Variants in CAMK2B observed in about 807,000 individuals in gnomAD.
The protein encoded by CAMK2B is calcium/calmodulin-dependent protein kinase type II subunit beta.
CAMK2B carries 27 observed loss-of-function variants against 93.7 expected under a neutral mutation model. The observed-to-expected ratio is 0.29, with a 90% CI of 0.21 to 0.40. The LOEUF is 0.40. CAMK2B is among the 10% of genes least tolerant of loss of function. The pLI, the probability that CAMK2B is intolerant of heterozygous loss-of-function variation, is 1.00. For synonymous variants in CAMK2B, 374 were observed against 358.8 expected, an observed-to-expected ratio of 1.04 and a Z score of -0.48; for missense variants, 568 against 895.8, an observed-to-expected ratio of 0.63 and a Z score of 4.67.
chr7:44,281,627 CT>C (rs1563004902), intron 2 of CAMK2B, among the ~76,000 whole-genome samples: 1 of 152,204 alleles, frequency 6.6e-6, no homozygotes, highest in African/African-American at 2.4e-5. Context: ...CCGGCGACAT[CT>C]GCCCCCCAGC....
At chr7:44,317,306 T>G (rs1414825653) in intron 1 of CAMK2B, among the ~76,000 whole-genome samples, 1 of 150,320 alleles carries the variant, frequency 6.7e-6, no homozygotes, top group East Asian at 1.9e-4. Flanking sequence ...TGTCCAATAC[T>G]GTGGTCACTG....
intron 12 of CAMK2B, 44 bp downstream of exon 12, chr7:44,240,663 C>T (rs1309873614): frequency 1.2e-6 from 2 of 1,608,908 alleles, no homozygotes; most frequent in South Asian, 2.2e-5. Flanking sequence ...CGTGGGCCAG[C>T]AGGGAGGGGG....
At position 44,243,326 on chromosome 7, in the gene CAMK2B, A is replaced by G; in HGVS notation, c.525T>C (p.Ala175=). 6.2e-7 allele frequency: 1 copy of G among 1,613,972 alleles called. No homozygotes were observed. The highest frequency in any genetic ancestry group is 8.5e-7 in the Non-Finnish European group (1 of 1,179,934). Residue 175 remains alanine, a synonymous_variant, in exon 8 of 24, where the codon GCT becomes GCC. Coordinates refer to ENST00000395749, the MANE Select transcript of CAMK2B (RefSeq NM_001220.5). ...CAGGGGACAGGTAGCCTGGTGTGCC[A>G]GCGAAACCTAGAGAGAGGGGAAGAG... ...QGDQQAWFGF[A]GTPGYLSPEV...
rs532784500 is a variant in CAMK2B at position 44,238,970 on chromosome 7, C to A, written c.1021+619G>T. ...GCCCAGAGGAGCAGGTGGCCAGTGC[C>A]GGCCTTTTCCCTCACAGGGTTTGAG... On this transcript the variant is annotated intron_variant, in intron 13 of 23. Transcript: ENST00000395749. 1.3e-4 allele frequency among the ~76,000 whole-genome samples: 20 copies of A among 152,324 alleles called. No individual in the cohort carries two copies. The South Asian group carries it at 3.1e-3, about 24-fold the overall frequency.
chr7:44,243,596 G>C, intron 6 of CAMK2B, 69 bp from the exon 7 acceptor site: 1 of 1,287,566 alleles, frequency 7.8e-7, no homozygotes. Context: ...GGGTTGGGTG[G>C]GGGGTTACAA....
chr7:44,241,620 C>G, intron 11 of CAMK2B, 80 bp downstream of exon 11: 3 of 1,112,214 alleles, frequency 2.7e-6, no homozygotes, highest in Non-Finnish European at 4.1e-6. Context: ...TCTGCCCAGA[C>G]CCCCCAAGGC....
At position 44,229,073 on chromosome 7, in the gene CAMK2B, G is replaced by A. The variant is rs994603233; in HGVS notation, c.1340-149C>T. On this transcript the variant is annotated intron_variant, in intron 18 of 23. Coordinates refer to ENST00000395749, the MANE Select transcript of CAMK2B (RefSeq NM_001220.5). The stretch of plus-strand genomic sequence containing the variant: ...GAATCAGAGCCTGCCTCAATAGCAG[G>A]GAGCCCCCCCGCCCGCAAGCTGAGG... 6.3e-6 allele frequency: 5 copies of A among 788,914 alleles called. No individual in the cohort carries two copies. In the East Asian group the frequency reaches 1.1e-4, roughly 17 times the overall value. The allele number at this position is 788,914 out of a possible 1,614,324, so 48.9% of individuals were successfully genotyped here. A position where few individuals can be genotyped will look rare whatever the true frequency, so the allele number is the denominator to read the frequency against.
intron 6 of CAMK2B, among the ~76,000 whole-genome samples, chr7:44,245,371 G>T (rs544744061): frequency 8.5e-5 from 13 of 152,326 alleles, no homozygotes; most frequent in African/African-American, 2.9e-4. Context: ...CGATCAAGAT[G>T]GTGGATTTCT....
chr7:44,292,241 G>A (rs909290779), intron 1 of CAMK2B, among the ~76,000 whole-genome samples: 2 of 152,074 alleles, frequency 1.3e-5, no homozygotes, highest in African/African-American at 4.8e-5. Flanking sequence ...TTGTGTCTCT[G>A]TGTCCAAGAA....
At chr7:44,267,071 A>G (rs2096927393) in intron 2 of CAMK2B, 1 of 152,220 alleles carries the variant, frequency 6.6e-6, no homozygotes, top group Non-Finnish European at 1.5e-5. Flanking sequence ...GTCTAAGAAC[A>G]ACCTCTGAAA....
Position 44,220,846 on chromosome 7 carries a change from G to A in CAMK2B, c.1653C>T (p.Asn551=), listed in dbSNP as rs1255161110. 6 of 1,571,272 alleles carry A rather than the reference G, an allele frequency of 3.8e-6. No homozygotes were observed. The highest frequency in any genetic ancestry group is 1.9e-5 in the Admixed American group (1 of 53,838). ...CTCACGCGTAGGCCTCAAAGTCACCGTTGTTGACGGCCTCGATGAGCTGCT... is the reference window on the plus strand; with the variant it reads ...CTCACGCGTAGGCCTCAAAGTCACCATTGTTGACGGCCTCGATGAGCTGCT... ...TTEQLIEAVN[N]GDFEAYAKIC... The change falls in exon 21 of 24, where the codon AAC becomes AAT. Residue 551 remains asparagine (N), a synonymous_variant. Transcript: ENST00000395749.
chr7:44,220,048 C>T lies in CAMK2B; in HGVS notation c.*2+12G>A. The T allele has an allele frequency of 1.3e-6, 2 of 1,555,372 alleles. No individual in the cohort carries two copies. The highest frequency in any genetic ancestry group is 1.7e-6 in the Non-Finnish European group (2 of 1,154,268). On this transcript the variant is annotated intron_variant, in intron 23 of 23. Coordinates refer to ENST00000395749, the MANE Select transcript of CAMK2B (RefSeq NM_001220.5). ...CCTCTGCCCCAGCTGTCACTTAGCA[C>T]AGAACACTCACCTTCACTGCAGCGG... is the stretch of plus-strand genomic sequence containing the variant.
chr7:44,226,158 C>T (rs926434333), intron 20 of CAMK2B, among the ~76,000 whole-genome samples: 3 of 152,228 alleles, frequency 2.0e-5, no homozygotes, highest in African/African-American at 4.8e-5. Flanking sequence ...CCCAAGCCAG[C>T]AGCTCCTGGC....
In CAMK2B at chr7:44,291,072, TCTCA is replaced by T. The variant is rs536479921; in HGVS notation, c.66-6851_66-6848del. Among the ~76,000 whole-genome samples, 86 of 152,308 alleles carry T rather than the reference TCTCA, an allele frequency of 5.6e-4. 1 individual carries two copies. The highest frequency in any genetic ancestry group is 3.6e-3 in the Admixed American group (55 of 15,302). Reference sequence around the variant, plus strand: ...CTTGTTGCCACTTTCCACTTTCTCCTCTCACTATGTCCCCCGCGCTGTTAATGAA... The same window carrying T: ...CTTGTTGCCACTTTCCACTTTCTCCTCTATGTCCCCCGCGCTGTTAATGAA... On this transcript the variant is annotated intron_variant, in intron 1 of 23. Transcript: ENST00000395749.
At chr7:44,296,362 C>T (rs901233374) in intron 1 of CAMK2B, among the ~76,000 whole-genome samples, 1 of 151,976 alleles carries the variant, frequency 6.6e-6, no homozygotes, top group Non-Finnish European at 1.5e-5. Flanking sequence ...AGTTTGAAAA[C>T]ATATCAATAG....
At chr7:44,261,017 C>T (rs1296222862) in intron 3 of CAMK2B, among the ~76,000 whole-genome samples, 1 of 152,208 alleles carries the variant, frequency 6.6e-6, no homozygotes, top group Non-Finnish European at 1.5e-5. Flanking sequence ...TCCCCTTTCC[C>T]TCTCACCCCT....
At chr7:44,325,315 T>A in intron 1 of CAMK2B, 42 bp downstream of exon 1, 1 of 1,161,992 alleles carries the variant, frequency 8.6e-7, no homozygotes, top group Non-Finnish European at 1.1e-6. Flanking sequence ...GTCCCGGCCC[T>A]CTGGGGTCCC....
In CAMK2B at chr7:44,234,403, G is replaced by A; in HGVS notation, c.1118C>T (p.Pro373Leu). 1 of 1,532,668 alleles carries A rather than the reference G, an allele frequency of 6.5e-7. No homozygotes were observed. The highest frequency in any genetic ancestry group is 8.7e-7 in the Non-Finnish European group (1 of 1,143,046). The allele number at this position is 1,532,668 out of a possible 1,614,324, so 94.9% of individuals were successfully genotyped here. Reference sequence around the variant, plus strand: ...GGAGCTCAGTACCAGGGCGGCAGGAGGAAGCGTCCCTTTGGGGCTGGTGGC... The same window carrying A: ...GGAGCTCAGTACCAGGGCGGCAGGAAGAAGCGTCCCTTTGGGGCTGGTGGC... ...AAATSPKGTL[P>L]PAALEPQTTV... Residue 373 changes from proline to leucine, a missense_variant, in exon 15 of 24, where the codon CCT (proline) becomes CTT (leucine). Around this residue, in one of 4 missense-constraint regions of CAMK2B, gnomAD observed 308 missense variants for 292.1 expected, o/e 1.05. Coordinates refer to ENST00000395749, the MANE Select transcript of CAMK2B (RefSeq NM_001220.5).
chr7:44,259,039 G>C (rs1178134736), intron 3 of CAMK2B, 113 bp from the exon 4 acceptor site: 1 of 983,386 alleles, frequency 1.0e-6, no homozygotes, highest in Non-Finnish European at 1.6e-6. Flanking sequence ...GGGCTGCCCA[G>C]AGGATCGGGC....
Sources: gnomAD v4.1 joint callset for allele counts (sites outside exome capture counted in the v4.1 genomes callset) on GRCh38, gnomAD v4.1.1 for gene constraint, gnomAD v4.1.1 regional missense constraint, MANE v1.5 for transcripts, NCBI Gene and HGNC (gene_info 2026-07-23, HGNC 2026-07-21) for gene names.